Variants in MBD3 observed in about 807,000 individuals in gnomAD.
MBD3 encodes the protein methyl-CpG binding domain protein 3.
MBD3 carries 13 observed loss-of-function variants against 31.2 expected under a neutral mutation model. The observed-to-expected ratio is 0.42, with a 90% CI of 0.27 to 0.66. The LOEUF is 0.66. Ranked by LOEUF, MBD3 falls within the 30% of genes least tolerant of loss-of-function variation. The pLI is 0.26. For missense variants in MBD3, 440 were observed against 426.5 expected (o/e 1.03, Z -0.28); for synonymous variants, 223 against 187.4 (o/e 1.19, Z -1.55).
At position 1,573,645 on chromosome 19, in the gene MBD3, A is replaced by G. The variant is rs1717085494; in HGVS notation, c.*4519T>C. On this transcript the variant is annotated 3_prime_UTR_variant, in exon 7 of 7. Coordinates refer to ENST00000434436, the MANE Select transcript of MBD3 (RefSeq NM_001281453.2). The stretch of plus-strand genomic sequence containing the variant: ...TTGTAAATTACATCTCAAAAAACCC[A>G]CTTCACACACGTTAACTGGAAATAT... 1 of 152,206 alleles carries G rather than the reference A, an allele frequency of 6.6e-6. No homozygotes were observed. Among genetic ancestry groups the G allele is most frequent in the African/African-American group, 2.4e-5 (1 of 41,442 alleles). The allele number at this position is 152,206 out of a possible 1,614,324, so 9.4% of individuals were successfully genotyped here.
In MBD3 at chr19:1,584,879, CGCCATGCGCCTTGCGCTCTGCACCCTGTG is replaced by C. The variant is rs2060670749; in HGVS notation, c.270+147_270+175del. 1.1e-5 allele frequency: 12 copies of C among 1,078,968 alleles called. No homozygotes were observed. In the South Asian group the frequency reaches 1.8e-4, roughly 16 times the overall value. 66.8% of individuals were successfully genotyped at this position (1,078,968 alleles called of 1,614,324 possible). The stretch of plus-strand genomic sequence containing the variant: ...GAACGCCCGCCGCGGGCCGCGTCCT[CGCCATGCGCCTTGCGCTCTGCACCCTGTG>C]GCCTGCGCCTTCCGCTCTGTGCCCT... On this transcript the variant is annotated intron_variant, in intron 2 of 6. Transcript: ENST00000434436.
In MBD3 at chr19:1,582,640, G is replaced by A. The variant is rs1291236816; in HGVS notation, c.481C>T (p.Leu161Phe). 3.1e-6 allele frequency: 5 copies of A among 1,613,914 alleles called. No individual in the cohort carries two copies. The African/African-American group carries it at 5.3e-5, about 17-fold the overall frequency. The change falls in exon 4 of 7, where the codon CTC becomes TTC. Residue 161 changes from leucine to phenylalanine, a missense_variant. Coordinates refer to ENST00000434436, the MANE Select transcript of MBD3 (RefSeq NM_001281453.2). ...CGCTCACCCTGCAGGCCCTTGGGGAGGTCCATGGTCTTGACCAGCTCCTCA... is the reference window on the plus strand; with the variant it reads ...CGCTCACCCTGCAGGCCCTTGGGGAAGTCCATGGTCTTGACCAGCTCCTCA... ...IAEELVKTMDLPKGLQGVGPG... is the reference protein window; with the variant it reads ...IAEELVKTMDFPKGLQGVGPG...
rs1162231762 is a variant in MBD3 at position 1,575,028 on chromosome 19, G to C, written c.*3136C>G. 5.6e-6 allele frequency: 2 copies of C among 358,204 alleles called. No individual in the cohort carries two copies. Among genetic ancestry groups the C allele is most frequent in the Non-Finnish European group, 5.7e-6 (1 of 176,688 alleles). 22.2% of individuals were successfully genotyped at this position (358,204 alleles called of 1,614,324 possible). A position where few individuals can be genotyped will look rare whatever the true frequency, so the allele number is the denominator to read the frequency against. The stretch of plus-strand genomic sequence containing the variant: ...GCCGAGGGCTGGGAGGTGCATCCTC[G>C]CCACGGGGGTCCTGAGCCTCTCCTC... On this transcript the variant is annotated 3_prime_UTR_variant, in exon 7 of 7. Coordinates refer to ENST00000434436, the MANE Select transcript of MBD3 (RefSeq NM_001281453.2).
At chr19:1,584,734 CAG>C (rs928106535) in intron 2 of MBD3, 57 bp from the exon 3 acceptor site, 55 of 1,571,526 alleles carry the variant, frequency 3.5e-5, no homozygotes, top group Non-Finnish European at 4.3e-5. Context: ...CGCGGAGCCT[CAG>C]GGGGTGCGGG....
intron 5 of MBD3, among the ~76,000 whole-genome samples, chr19:1,580,480 G>A (rs1917326259): frequency 1.3e-5 from 2 of 152,186 alleles, no homozygotes; most frequent in South Asian, 4.1e-4. Flanking sequence ...TCCTTCCTCT[G>A]ACCTAAGCCG....
chr19:1,585,384 G>C lies in MBD3; in HGVS notation c.111-170C>G. 1 of 677,140 alleles carries C rather than the reference G, an allele frequency of 1.5e-6. No individual in the cohort carries two copies. The highest frequency in any genetic ancestry group is 2.4e-6 in the Non-Finnish European group (1 of 411,316). 41.9% of individuals were successfully genotyped at this position (677,140 alleles called of 1,614,324 possible). A position where few individuals can be genotyped will look rare whatever the true frequency, so the allele number is the denominator to read the frequency against. ...CAGGCAGGCCCTGGCCCCAGCCCCA[G>C]ACCCCAACCCTGGCGTGACCCCAGA... is the stretch of plus-strand genomic sequence containing the variant. On this transcript the variant is annotated intron_variant, in intron 1 of 6. Transcript: ENST00000434436. This position sits in a 1 kb window ranked among gnomAD's most constrained non-coding sequence, Gnocchi z 4.1.
Position 1,578,359 on chromosome 19 carries a change from G to C in MBD3, c.857C>G (p.Pro286Arg). Residue 286 changes from proline to arginine, a missense_variant, in exon 6 of 7, where the codon CCG (proline) becomes CGG (arginine). Pro to Arg is a moderately radical substitution (Grantham distance 103). Around this residue, in one of 3 missense-constraint regions of MBD3, gnomAD observed 117 missense variants for 95.0 expected, o/e 1.23. Transcript: ENST00000434436. This position sits in a 1 kb window ranked among gnomAD's most constrained non-coding sequence, Gnocchi z 6.1. ...EEEEEEPDPD[P>R]EMEHV is the part of the protein sequence containing the mutation. ...CCTGCCCTAGACGTGCTCCATCTCC[G>C]GGTCCGGGTCGGGCTCCTCCTCCTC... The C allele has an allele frequency of 6.2e-7, 1 of 1,603,784 alleles. No homozygotes were observed. Among genetic ancestry groups the C allele is most frequent in the Non-Finnish European group, 8.5e-7 (1 of 1,179,812 alleles).
At chr19:1,584,701 C>T in intron 2 of MBD3, 24 bp from the exon 3 acceptor site, 1 of 1,605,958 alleles carries the variant, frequency 6.2e-7, no homozygotes, top group Non-Finnish European at 8.5e-7. Context: ...GATATGCAGT[C>T]CGGCCTGGGG....
chr19:1,583,493 T>A (rs1056831258), intron 3 of MBD3: 3 of 151,630 alleles, frequency 2.0e-5, no homozygotes, highest in Admixed American at 1.3e-4. Flanking sequence ...ACCCCCTGTA[T>A]CTGTGGGTTC....
intron 1 of MBD3, among the ~76,000 whole-genome samples, chr19:1,589,843 AAATGAATG>A (rs887978592): frequency 1.3e-3 from 205 of 152,258 alleles, no homozygotes; most frequent in African/African-American, 4.4e-3. Context: ...CACAATGAAT[AAATGAATG>A]AATGAATGCA....
Position 1,575,410 on chromosome 19 carries a change from CTA to C in MBD3, c.*2752_*2753del. 1 of 302,514 alleles carries C rather than the reference CTA, an allele frequency of 3.3e-6. No homozygotes were observed. The highest frequency in any genetic ancestry group is 6.7e-6 in the Non-Finnish European group (1 of 149,790). The allele number at this position is 302,514 out of a possible 1,614,324, so 18.7% of individuals were successfully genotyped here. On this transcript the variant is annotated 3_prime_UTR_variant, in exon 7 of 7. Coordinates refer to ENST00000434436, the MANE Select transcript of MBD3 (RefSeq NM_001281453.2). ...AGCGAAAGAAGAGCGAAACTCTTGT[CTA>C]AAAAAAAAAAAAGTCCCAGAAGGTC...
intron 5 of MBD3, among the ~76,000 whole-genome samples, chr19:1,580,754 T>A (rs1313706125): frequency 2.0e-5 from 3 of 152,142 alleles, no homozygotes; most frequent in Non-Finnish European, 4.4e-5. Context: ...CAGAGCCATC[T>A]CCCTGAAGGC....
intron 3 of MBD3, chr19:1,583,490 G>A (rs1201361817): frequency 1.3e-5 from 2 of 151,808 alleles, no homozygotes; most frequent in African/African-American, 4.8e-5. Context: ...TCAACCCCCT[G>A]TATCTGTGGG....
At chr19:1,582,134 T>G (rs2060655142) in intron 4 of MBD3, among the ~76,000 whole-genome samples, 1 of 152,192 alleles carries the variant, frequency 6.6e-6, no homozygotes, top group Middle Eastern at 3.4e-3. Context: ...ACTTCTGAGA[T>G]CAAGTGAAAC....
chr19:1,585,339 C>G lies in MBD3; in HGVS notation c.111-125G>C, dbSNP rs1213289024. The G allele has an allele frequency of 9.0e-7, 1 of 1,109,318 alleles. No homozygotes were observed. Among genetic ancestry groups the G allele is most frequent in the Non-Finnish European group, 1.3e-6 (1 of 782,754 alleles). The allele number at this position is 1,109,318 out of a possible 1,614,324, so 68.7% of individuals were successfully genotyped here. ...TCGCGACCCCAGCCCCAGACCCCAA[C>G]ACGGCCCTGACCCCAAACCCAGGCA... On this transcript the variant is annotated intron_variant, in intron 1 of 6. Transcript: ENST00000434436. The surrounding 1 kb of genome is among the most constrained non-coding windows in gnomAD (Gnocchi z 4.1).
Position 1,580,215 on chromosome 19 carries a change from AG to A in MBD3, c.677+876del, listed in dbSNP as rs374571135. Among the ~76,000 whole-genome samples, 41 of 152,332 alleles carry A rather than the reference AG, an allele frequency of 2.7e-4. No homozygotes were observed. In the South Asian group the frequency reaches 8.3e-3, roughly 31 times the overall value. ...TGTAAATGGACCTCAAACCCAAAAG[AG>A]GGGGCCCAGAGGTACCACGGCCGGA... On this transcript the variant is annotated intron_variant, in intron 5 of 6. Coordinates refer to ENST00000434436, the MANE Select transcript of MBD3 (RefSeq NM_001281453.2).
chr19:1,576,852 G>A lies in MBD3; in HGVS notation c.*1312C>T, dbSNP rs551233047. ...GCTTCCCTCGGCTGCCCTGGCCCTT[G>A]AGCCCGTCCTGAGGATTTGTGCTTT... On this transcript the variant is annotated 3_prime_UTR_variant, in exon 7 of 7. Transcript: ENST00000434436. 2.0e-5 allele frequency: 3 copies of A among 152,470 alleles called. No homozygotes were observed. The highest frequency in any genetic ancestry group is 1.9e-4 in the East Asian group (1 of 5,182). 9.4% of individuals were successfully genotyped at this position (152,470 alleles called of 1,614,324 possible).
In MBD3 at chr19:1,578,072, G is replaced by A. The variant is rs1312346315; in HGVS notation, c.*92C>T. 1.7e-6 allele frequency: 1 copy of A among 576,408 alleles called. No homozygotes were observed. The highest frequency in any genetic ancestry group is 3.1e-6 in the Non-Finnish European group (1 of 324,904). 35.7% of individuals were successfully genotyped at this position (576,408 alleles called of 1,614,324 possible). On this transcript the variant is annotated 3_prime_UTR_variant, in exon 7 of 7. Coordinates refer to ENST00000434436, the MANE Select transcript of MBD3 (RefSeq NM_001281453.2). The surrounding 1 kb of genome is among the most constrained non-coding windows in gnomAD (Gnocchi z 6.1). The stretch of plus-strand genomic sequence containing the variant: ...TCCTCCTGGGTGTCTCCAAGGCTGG[G>A]CTTCGCCGCCGAGCCTGGTTCACGT...
chr19:1,585,349 AC>A lies in MBD3; in HGVS notation c.111-136del. ...AGCCCCAGACCCCAACACGGCCCTG[AC>A]CCCAAACCCAGGCAGGCCCTGGCCC... On this transcript the variant is annotated intron_variant, in intron 1 of 6. Coordinates refer to ENST00000434436, the MANE Select transcript of MBD3 (RefSeq NM_001281453.2). The surrounding 1 kb of genome is among the most constrained non-coding windows in gnomAD (Gnocchi z 4.1). The A allele has an allele frequency of 1.0e-6, 1 of 974,812 alleles. No homozygotes were observed. Among genetic ancestry groups the A allele is most frequent in the Non-Finnish European group, 1.5e-6 (1 of 669,284 alleles). 60.4% of individuals were successfully genotyped at this position (974,812 alleles called of 1,614,324 possible). A position where few individuals can be genotyped will look rare whatever the true frequency, so the allele number is the denominator to read the frequency against.
Sources: gnomAD v4.1 joint callset for allele counts (sites outside exome capture counted in the v4.1 genomes callset) on GRCh38, gnomAD v4.1.1 for gene constraint, gnomAD v4.1.1 regional missense constraint, Gnocchi (gnomAD v3.1) non-coding constraint, MANE v1.5 for transcripts, NCBI Gene and HGNC (gene_info 2026-07-23, HGNC 2026-07-21) for gene names.